The following CASR variants were observed in gnomAD, a reference collection of about 807,000 sequenced individuals.
The protein encoded by CASR is extracellular calcium-sensing receptor.
CASR carries 23 observed loss-of-function variants against 69.1 expected under a neutral mutation model. That is an observed-to-expected ratio of 0.33 (90% CI 0.24 to 0.47). The LOEUF (loss-of-function observed/expected upper bound fraction) is 0.47. Among genes scored for constraint, CASR ranks in the 20% least tolerant of loss-of-function variants. The pLI is 1.00. For synonymous variants in CASR, 541 were observed against 544.7 expected (o/e 0.99, Z 0.10); for missense variants, 924 against 1,356.1 (o/e 0.68, Z 5.00).
intron 1 of CASR, among the ~76,000 whole-genome samples, chr3:122,202,382 C>G (rs1012708712): frequency 7.9e-6 from 1 of 125,910 alleles, no homozygotes; most frequent in African/African-American, 3.1e-5. Context: ...AGTCCAGCTT[C>G]GGCTCAGCAT....
rs774470582 is a variant in CASR at position 122,261,683 on chromosome 3, C to T, written c.648C>T (p.Asp216=). The change falls in exon 4 of 7, where the codon GAC becomes GAT. Residue 216 remains aspartate, a synonymous_variant. Transcript: ENST00000639785. ...WNWVGTIAAD[D]DYGRPGIEKF... is the part of the protein sequence containing the mutation. ...GGGTGGGCACAATTGCAGCTGATGA[C>T]GACTATGGGCGGCCGGGGATTGAGA... The T allele has an allele frequency of 2.5e-6, 4 of 1,614,206 alleles. No homozygotes were observed. The highest frequency in any genetic ancestry group is 3.4e-6 in the Non-Finnish European group (4 of 1,180,028).
In CASR at chr3:122,285,414, A is replaced by ATGATACGCCG; in HGVS notation, c.*223_*224insTGATACGCCG. ...TGTGTTTCTGTGGTTGCATTTGTCA[A>ATGATACGCCG]AGCATTGAGATCTCCACGGTCAGAT... is the stretch of plus-strand genomic sequence containing the variant. On this transcript the variant is annotated 3_prime_UTR_variant, in exon 7 of 7. Coordinates refer to ENST00000639785, the MANE Select transcript of CASR (RefSeq NM_000388.4). The ATGATACGCCG allele has an allele frequency of 2.0e-6, 1 of 498,632 alleles. No individual in the cohort carries two copies. Among genetic ancestry groups the ATGATACGCCG allele is most frequent in the South Asian group, 2.3e-5 (1 of 44,038 alleles). The allele number at this position is 498,632 out of a possible 1,614,324, so 30.9% of individuals were successfully genotyped here.
chr3:122,186,667 G>A (rs762667413), intron 1 of CASR, among the ~76,000 whole-genome samples: 28 of 152,172 alleles, frequency 1.8e-4, no homozygotes, highest in Non-Finnish European at 3.5e-4. Context: ...ACTGTCTGAA[G>A]GAAAGAAACG....
intron 1 of CASR, among the ~76,000 whole-genome samples, chr3:122,192,325 A>G (rs2073847606): frequency 6.6e-6 from 1 of 152,248 alleles, no homozygotes; most frequent in Admixed American, 6.5e-5. Context: ...CGATAAGAGT[A>G]TCTAACATAT....
chr3:122,216,992 C>T (rs1026611292), intron 1 of CASR, among the ~76,000 whole-genome samples: 44 of 152,334 alleles, frequency 2.9e-4, no homozygotes, highest in Admixed American at 2.9e-3. Context: ...GTGAACTACA[C>T]AGACCTCATC....
intron 3 of CASR, chr3:122,257,720 G>T: frequency 4.5e-6 from 1 of 221,990 alleles, no homozygotes; most frequent in Non-Finnish European, 9.0e-6. Flanking sequence ...AAAGGAATCA[G>T]AGCATATGAG....
chr3:122,192,175 T>C (rs2073846188), intron 1 of CASR, among the ~76,000 whole-genome samples: 1 of 152,246 alleles, frequency 6.6e-6, no homozygotes, highest in Non-Finnish European at 1.5e-5. Flanking sequence ...GGAAGCAGCA[T>C]AGGCTAGCAG....
At position 122,261,517 on chromosome 3, in the gene CASR, G is replaced by C. The variant is rs200769140; in HGVS notation, c.493-11G>C. The C allele has an allele frequency of 7.4e-6, 12 of 1,613,646 alleles. No individual in the cohort carries two copies. Among genetic ancestry groups the C allele is most frequent in the Non-Finnish European group, 1.0e-5 (12 of 1,179,864 alleles). ...CACTCACTCATTCACCATGTTCTTG[G>C]TTCTCTCCAGGTCAGTTATGCCTCC... On this transcript the variant is annotated splice_polypyrimidine_tract_variant and intron_variant, in intron 3 of 6. Coordinates refer to ENST00000639785, the MANE Select transcript of CASR (RefSeq NM_000388.4).
chr3:122,242,348 A>G (rs939566606), intron 1 of CASR, among the ~76,000 whole-genome samples: 1 of 152,202 alleles, frequency 6.6e-6, no homozygotes, highest in African/African-American at 2.4e-5. Flanking sequence ...AGGATACAAA[A>G]TCAACATACA....
chr3:122,207,259 C>A (rs2074016363), intron 1 of CASR, among the ~76,000 whole-genome samples: 1 of 151,934 alleles, frequency 6.6e-6, no homozygotes, highest in Admixed American at 6.6e-5. Context: ...CAGTAATGGG[C>A]AGATCAGACA....
intron 1 of CASR, among the ~76,000 whole-genome samples, chr3:122,231,831 T>G (rs766700368): frequency 3.9e-5 from 6 of 152,048 alleles, no homozygotes; most frequent in Admixed American, 6.5e-5. Context: ...ACAATTTACC[T>G]TGCATTCTCT....
chr3:122,207,172 G>A (rs1424770655), intron 1 of CASR, among the ~76,000 whole-genome samples: 2 of 151,866 alleles, frequency 1.3e-5, no homozygotes, highest in South Asian at 2.1e-4. Flanking sequence ...GCTCTAAAGG[G>A]AGAGATAGAC....
chr3:122,213,693 T>A (rs958511188), intron 1 of CASR, among the ~76,000 whole-genome samples: 1 of 152,192 alleles, frequency 6.6e-6, no homozygotes, highest in Non-Finnish European at 1.5e-5. Context: ...CTATATATAA[T>A]CCAGACTCTT....
chr3:122,280,532 T>G (rs2074876116), intron 5 of CASR, among the ~76,000 whole-genome samples: 1 of 152,224 alleles, frequency 6.6e-6, no homozygotes, highest in Non-Finnish European at 1.5e-5. Context: ...AGCACATCTC[T>G]GAGGATACCT....
intron 3 of CASR, among the ~76,000 whole-genome samples, chr3:122,260,382 G>A (rs3804592): frequency 0.18 from 27,072 of 152,222 alleles, 2,783 homozygotes; most frequent in African/African-American, 0.26. Flanking sequence ...TTGCTCAGAT[G>A]CAGAAGTGGC....
At chr3:122,238,596 G>A (rs573154458) in intron 1 of CASR, among the ~76,000 whole-genome samples, 7 of 152,288 alleles carry the variant, frequency 4.6e-5, no homozygotes, top group Non-Finnish European at 7.4e-5. Flanking sequence ...CAGCCAGGGT[G>A]GCTAAGGGAG....
At chr3:122,250,121 C>T (rs547910185) in intron 1 of CASR, among the ~76,000 whole-genome samples, 2 of 151,906 alleles carry the variant, frequency 1.3e-5, no homozygotes, top group Non-Finnish European at 1.5e-5. Flanking sequence ...GGGAGCTGGA[C>T]GAAGGCACTG....
chr3:122,221,591 T>A (rs1375248167), intron 1 of CASR, among the ~76,000 whole-genome samples: 1 of 152,250 alleles, frequency 6.6e-6, no homozygotes, highest in Non-Finnish European at 1.5e-5. Flanking sequence ...ACTCAGTGAA[T>A]CTTTGGTTCC....
intron 1 of CASR, among the ~76,000 whole-genome samples, chr3:122,248,714 GT>G (rs1250667781): frequency 6.6e-6 from 1 of 151,838 alleles, no homozygotes; most frequent in Non-Finnish European, 1.5e-5. Context: ...CTGCGCCTGG[GT>G]TTTCTCTATT....
Sources: gnomAD v4.1 joint callset for allele counts (sites outside exome capture counted in the v4.1 genomes callset) on GRCh38, gnomAD v4.1.1 for gene constraint, MANE v1.5 for transcripts, NCBI Gene and HGNC (gene_info 2026-07-23, HGNC 2026-07-21) for gene names.